The following SMURF1 variants were observed in gnomAD, a reference collection of about 807,000 sequenced individuals.
SMURF1 encodes the protein E3 ubiquitin-protein ligase SMURF1.
SMURF1 carries 44 observed loss-of-function variants against 98.0 expected under a neutral mutation model. The observed-to-expected ratio is 0.45, with a 90% CI of 0.35 to 0.58. The LOEUF is 0.58. Among genes scored for constraint, SMURF1 ranks in the 20% least tolerant of loss-of-function variants. The pLI is 0.00. For missense variants in SMURF1, 687 were observed against 938.4 expected (o/e 0.73, Z 3.50); for synonymous variants, 396 against 374.9 (o/e 1.06, Z -0.65).
At position 99,062,177 on chromosome 7, in the gene SMURF1, C is replaced by G. The variant is rs1181833457; in HGVS notation, c.56-340G>C. ...GGGCATGATCATAGCTCATTGCAGC[C>G]TCGAACTCCTGGGTGATTCAAGCAA... On this transcript the variant is annotated intron_variant, in intron 1 of 17. Coordinates refer to ENST00000361368, the MANE Select transcript of SMURF1 (RefSeq NM_181349.3). Among the ~76,000 whole-genome samples the G allele has an allele frequency of 4.8e-5, 5 of 104,522 alleles. No homozygotes were observed. In the East Asian group the frequency reaches 1.4e-3, roughly 29 times the overall value. The allele number at this position is 104,522 out of a possible 152,430, so 68.6% of individuals were successfully genotyped here.
intron 1 of SMURF1, among the ~76,000 whole-genome samples, chr7:99,095,390 T>G (rs1346661326): frequency 6.6e-6 from 1 of 152,170 alleles, no homozygotes; most frequent in East Asian, 1.9e-4. Flanking sequence ...TGTTTTTTTG[T>G]ATATTTTAGT....
intron 1 of SMURF1, among the ~76,000 whole-genome samples, chr7:99,063,535 C>T (rs1052970520): frequency 3.3e-5 from 5 of 150,022 alleles, no homozygotes; most frequent in African/African-American, 1.2e-4. Context: ...AGCAATCCTC[C>T]CAACTTCGCC....
chr7:99,030,993 A>G (rs916169991), intron 17 of SMURF1: 1 of 254,338 alleles, frequency 3.9e-6, no homozygotes, highest in African/African-American at 2.2e-5. Flanking sequence ...CAATCAACAC[A>G]CAGTAAAGTA....
chr7:99,094,984 C>T (rs1227376402), intron 1 of SMURF1, among the ~76,000 whole-genome samples: 1 of 152,208 alleles, frequency 6.6e-6, no homozygotes, highest in African/African-American at 2.4e-5. Context: ...CTCAGAGTTC[C>T]ACTTCTGTGT....
chr7:99,080,368 C>T (rs563911773), intron 1 of SMURF1, among the ~76,000 whole-genome samples: 2 of 152,320 alleles, frequency 1.3e-5, no homozygotes, highest in Admixed American at 6.5e-5. Context: ...GGCGCGATCC[C>T]GGCTCACTGC....
chr7:99,077,365 G>T (rs377503255), intron 1 of SMURF1, among the ~76,000 whole-genome samples: 7 of 143,978 alleles, frequency 4.9e-5, no homozygotes, highest in Admixed American at 7.1e-5. Flanking sequence ...ATGGAGTCTC[G>T]CTCTGTTGCC....
At chr7:99,084,530 G>A (rs1246093874) in intron 1 of SMURF1, among the ~76,000 whole-genome samples, 1 of 152,116 alleles carries the variant, frequency 6.6e-6, no homozygotes, top group Non-Finnish European at 1.5e-5. Context: ...GGAAGAATCA[G>A]GGAACTAGAT....
At chr7:99,118,700 TAG>T in intron 1 of SMURF1, among the ~76,000 whole-genome samples, 1 of 152,304 alleles carries the variant, frequency 6.6e-6, no homozygotes, top group Admixed American at 6.5e-5. Context: ...GAAAATGTTC[TAG>T]AGTTAGATAG....
In SMURF1 at chr7:99,049,492, A is replaced by G. The variant is rs928230422; in HGVS notation, c.953+71T>C. 6 of 1,480,356 alleles carry G rather than the reference A, an allele frequency of 4.1e-6. No homozygotes were observed. In the African/African-American group the frequency reaches 7.0e-5, roughly 17 times the overall value. The allele number at this position is 1,480,356 out of a possible 1,614,324, so 91.7% of individuals were successfully genotyped here. ...CAGCAAGACAGTCAATAAATTCACA[A>G]AAATACCAGTCCAAGAAAGCATTCG... On this transcript the variant is annotated intron_variant, in intron 9 of 17. Transcript: ENST00000361368.
Position 99,049,700 on chromosome 7 carries a change from G to A in SMURF1, c.816C>T (p.Asn272=). The stretch of plus-strand genomic sequence containing the variant: ...GTCCAAGTTCATCACAGTTCACACT[G>A]TTAAGGTCTCTACCAAAATGGAAGA... ...WHDPRIPRDL[N]SVNCDELGPL... Residue 272 remains asparagine, a synonymous_variant, in exon 9 of 18, where the codon AAC becomes AAT. Transcript: ENST00000361368. 1 of 1,613,294 alleles carries A rather than the reference G, an allele frequency of 6.2e-7. No individual in the cohort carries two copies. The highest frequency in any genetic ancestry group is 1.3e-5 in the African/African-American group (1 of 75,000).
intron 5 of SMURF1, among the ~76,000 whole-genome samples, chr7:99,056,992 CAAAAA>C (rs76600092): frequency 9.2e-6 from 1 of 108,846 alleles, no homozygotes; most frequent in East Asian, 2.4e-4. Flanking sequence ...AAAAAAAAAC[CAAAAA>C]AAAAAAAAAG....
intron 3 of SMURF1, 44 bp from the exon 4 acceptor site, chr7:99,057,595 T>C: frequency 7.0e-7 from 1 of 1,433,898 alleles, no homozygotes; most frequent in Admixed American, 2.8e-5. Context: ...TGTTTGGTTT[T>C]TTTTGTTTTG....
chr7:99,054,687 A>G (rs961227376), intron 6 of SMURF1, 103 bp downstream of exon 6: 2 of 922,388 alleles, frequency 2.2e-6, no homozygotes, highest in South Asian at 2.8e-5. Context: ...ATGCATCTCA[A>G]GCATTCTGCA....
intron 1 of SMURF1, among the ~76,000 whole-genome samples, chr7:99,123,496 T>C (rs746354928): frequency 1.3e-5 from 2 of 152,174 alleles, no homozygotes; most frequent in Non-Finnish European, 2.9e-5. Flanking sequence ...ATTGCACCGC[T>C]GCACTCTAGC....
chr7:99,139,361 C>T (rs1210987629), intron 1 of SMURF1, among the ~76,000 whole-genome samples: 2 of 152,176 alleles, frequency 1.3e-5, no homozygotes, highest in Non-Finnish European at 2.9e-5. Flanking sequence ...TTTCTTACTT[C>T]ACAATATGCA....
rs180913093 is a variant in SMURF1 at position 99,084,051 on chromosome 7, C to G, written c.56-22214G>C. Among the ~76,000 whole-genome samples the G allele has an allele frequency of 5.3e-4, 80 of 152,340 alleles. 2 individuals are homozygous for G. In the East Asian group the frequency reaches 0.012, roughly 23 times the overall value. ...TCCACAAACTGTGTGAAGAAACTAT[C>G]AGTCTAACAGATTACTTGTCCAAGA... On this transcript the variant is annotated intron_variant, in intron 1 of 17. Transcript: ENST00000361368.
chr7:99,078,704 A>C lies in SMURF1; in HGVS notation c.56-16867T>G, dbSNP rs117690172. Among the ~76,000 whole-genome samples, 24 of 152,348 alleles carry C rather than the reference A, an allele frequency of 1.6e-4. No homozygotes were observed. The East Asian group carries it at 4.4e-3, about 28-fold the overall frequency. ...AACCCTGTTGTGAACTGCGCATGCGAGGGGTCTAGGTTGCACCCTTTTATG... is the reference window on the plus strand; with the variant it reads ...AACCCTGTTGTGAACTGCGCATGCGCGGGGTCTAGGTTGCACCCTTTTATG... On this transcript the variant is annotated intron_variant, in intron 1 of 17. Transcript: ENST00000361368.
At chr7:99,106,443 C>T (rs1797195609) in intron 1 of SMURF1, among the ~76,000 whole-genome samples, 2 of 152,124 alleles carry the variant, frequency 1.3e-5, no homozygotes, top group Admixed American at 1.3e-4. Flanking sequence ...TGAATGTGCA[C>T]ACTGTGTGAA....
intron 1 of SMURF1, among the ~76,000 whole-genome samples, chr7:99,142,791 G>A (rs1304343533): frequency 2.0e-5 from 3 of 151,180 alleles, no homozygotes; most frequent in African/African-American, 4.9e-5. Context: ...GGGAGCAGGT[G>A]GGAGGGAAAA....
Sources: gnomAD v4.1 joint callset for allele counts (sites outside exome capture counted in the v4.1 genomes callset) on GRCh38, gnomAD v4.1.1 for gene constraint, MANE v1.5 for transcripts, NCBI Gene and HGNC (gene_info 2026-07-23, HGNC 2026-07-21) for gene names.